Variants in FRMD5 observed in about 807,000 individuals in gnomAD.
FRMD5 encodes the protein FERM domain containing 5, also known as FERM domain-containing protein 5.
In FRMD5, 20 loss-of-function variants were observed where a neutral mutation model predicts 69.0. The ratio of observed to expected loss-of-function variants is 0.29; its 90% CI spans 0.20 to 0.42. The LOEUF (loss-of-function observed/expected upper bound fraction) is 0.42. Among genes scored for constraint, FRMD5 ranks in the 10% least tolerant of loss-of-function variants. The pLI is 1.00. For synonymous variants in FRMD5, 271 were observed against 260.1 expected, an observed-to-expected ratio of 1.04 and a Z score of -0.40; for missense variants, 595 against 708.6, an observed-to-expected ratio of 0.84 and a Z score of 1.82.
chr15:43,998,396 ATC>A (rs1006712586), intron 1 of FRMD5, among the ~76,000 whole-genome samples: 1 of 152,186 alleles, frequency 6.6e-6, no homozygotes, highest in Non-Finnish European at 1.5e-5. Context: ...CTGATGGCAA[ATC>A]TCTGCACAGG....
In FRMD5 at chr15:43,874,282, C is replaced by T; in HGVS notation, c.1316G>A (p.Ser439Asn). 1 of 1,614,228 alleles carries T rather than the reference C, an allele frequency of 6.2e-7. No individual in the cohort carries two copies. Among genetic ancestry groups the T allele is most frequent in the Non-Finnish European group, 8.5e-7 (1 of 1,180,040 alleles). The change falls in exon 14 of 14, where the codon AGC becomes AAC. Residue 439 changes from serine (S) to asparagine (N), a missense_variant. Coordinates refer to ENST00000417257, the MANE Select transcript of FRMD5 (RefSeq NM_032892.5). ...CCGGGAAAGCAACATCAGCTCCAGG[C>T]TGTGCTCAGCCACAGGGGTGGGCAG... ...SVLPTPVAEHSLELMLLSRQI... is the reference protein window; with the variant it reads ...SVLPTPVAEHNLELMLLSRQI...
chr15:44,082,976 A>T (rs919763879), intron 1 of FRMD5, among the ~76,000 whole-genome samples: 1 of 151,974 alleles, frequency 6.6e-6, no homozygotes, highest in South Asian at 2.1e-4. Context: ...AGTGTGATGC[A>T]ATTATGAACC....
intron 1 of FRMD5, among the ~76,000 whole-genome samples, chr15:44,104,456 C>T (rs566781115): frequency 3.1e-4 from 47 of 152,288 alleles, no homozygotes; most frequent in African/African-American, 1.1e-3. Flanking sequence ...CATATTCATT[C>T]ACCACTCACT....
chr15:43,924,355 G>T, intron 1 of FRMD5, 46 bp from the exon 2 acceptor site: 3 of 1,378,476 alleles, frequency 2.2e-6, no homozygotes, highest in Non-Finnish European at 3.0e-6. Context: ...GGTTTCTTCA[G>T]TGTAACTTTT....
chr15:43,905,427 G>A (rs913407660), intron 6 of FRMD5, among the ~76,000 whole-genome samples: 1 of 151,986 alleles, frequency 6.6e-6, no homozygotes, highest in Non-Finnish European at 1.5e-5. Flanking sequence ...GTAAGCCACC[G>A]CGCCTGGCCT....
At chr15:44,167,543 CCTCT>C (rs1279192221) in intron 1 of FRMD5, among the ~76,000 whole-genome samples, 2 of 152,086 alleles carry the variant, frequency 1.3e-5, no homozygotes, top group Admixed American at 6.5e-5. Flanking sequence ...AATCCAAGGA[CCTCT>C]CTCTGAGGCA....
chr15:44,165,304 C>T (rs936184101), intron 1 of FRMD5, among the ~76,000 whole-genome samples: 15 of 151,990 alleles, frequency 9.9e-5, no homozygotes, highest in African/African-American at 3.6e-4. Context: ...CGCCTGTAAT[C>T]CCAGCTACTG....
intron 1 of FRMD5, among the ~76,000 whole-genome samples, chr15:44,139,508 A>G (rs2077235381): frequency 6.6e-6 from 1 of 152,012 alleles, no homozygotes; most frequent in South Asian, 2.1e-4. Flanking sequence ...AGACAGTGAA[A>G]AATATATCAG....
intron 1 of FRMD5, among the ~76,000 whole-genome samples, chr15:44,091,927 G>C (rs1275295534): frequency 6.6e-6 from 1 of 152,118 alleles, no homozygotes; most frequent in Non-Finnish European, 1.5e-5. Context: ...ATTTAGGATA[G>C]AGGTGAGGCC....
intron 1 of FRMD5, among the ~76,000 whole-genome samples, chr15:44,098,084 G>C (rs2076579110): frequency 7.3e-6 from 1 of 136,840 alleles, no homozygotes; most frequent in African/African-American, 2.7e-5. Flanking sequence ...AGAAAGTAAT[G>C]CCATGCTCCC....
upstream of FRMD5, among the ~76,000 whole-genome samples, chr15:44,196,689 AT>A (rs374948519): frequency 4.3e-4 from 52 of 121,002 alleles, no homozygotes; most frequent in African/African-American, 6.1e-4. Flanking sequence ...ATTTTCCCCA[AT>A]TTTTTTTTTT....
At chr15:44,106,689 C>T (rs765706637) in intron 1 of FRMD5, among the ~76,000 whole-genome samples, 5 of 152,176 alleles carry the variant, frequency 3.3e-5, no homozygotes, top group African/African-American at 9.6e-5. Context: ...AAGATCTCTG[C>T]ACTTACTGAC....
At chr15:43,879,082 C>T (rs907879746) in intron 13 of FRMD5, among the ~76,000 whole-genome samples, 12 of 151,806 alleles carry the variant, frequency 7.9e-5, no homozygotes, top group Non-Finnish European at 8.8e-5. Flanking sequence ...GGATTACAGG[C>T]GCCCACCACC....
At chr15:44,174,836 T>C (rs1438100476) in intron 1 of FRMD5, among the ~76,000 whole-genome samples, 1 of 151,988 alleles carries the variant, frequency 6.6e-6, no homozygotes, top group African/African-American at 2.4e-5. Flanking sequence ...TTTTGCCCTT[T>C]AAAAAAATTC....
At position 44,156,068 on chromosome 15, in the gene FRMD5, T is replaced by C. The variant is rs577879958; in HGVS notation, c.102+38885A>G. Among the ~76,000 whole-genome samples the C allele has an allele frequency of 9.9e-5, 15 of 152,266 alleles. 1 individual carries two copies. Among genetic ancestry groups the C allele is most frequent in the African/African-American group, 2.2e-4 (9 of 41,556 alleles). On this transcript the variant is annotated intron_variant, in intron 1 of 13. Coordinates refer to ENST00000417257, the MANE Select transcript of FRMD5 (RefSeq NM_032892.5). ...GGCAAGGTTCAAAGCCTTAAGTGTATTGAAAAAGACTAATATTTAGTCTCA... is the reference window on the plus strand; with the variant it reads ...GGCAAGGTTCAAAGCCTTAAGTGTACTGAAAAAGACTAATATTTAGTCTCA...
chr15:43,884,624 T>A, intron 12 of FRMD5, 103 bp downstream of exon 12: 1 of 990,432 alleles, frequency 1.0e-6, no homozygotes, highest in Non-Finnish European at 1.5e-6. Flanking sequence ...TTTGGACTTT[T>A]TGGTAGCCAC....
chr15:44,084,095 G>C (rs897162398), intron 1 of FRMD5, among the ~76,000 whole-genome samples: 5 of 151,974 alleles, frequency 3.3e-5, no homozygotes, highest in Middle Eastern at 3.4e-3. Flanking sequence ...TTCCAACTCT[G>C]CCACTGACTG....
intron 1 of FRMD5, among the ~76,000 whole-genome samples, chr15:44,110,231 T>A (rs2076778423): frequency 6.6e-6 from 1 of 152,324 alleles, no homozygotes; most frequent in Non-Finnish European, 1.5e-5. Flanking sequence ...TTGCCCAGGC[T>A]GGAGCACAGT....
intron 1 of FRMD5, among the ~76,000 whole-genome samples, chr15:44,033,123 C>T (rs1891757625): frequency 6.6e-6 from 1 of 152,114 alleles, no homozygotes; most frequent in East Asian, 1.9e-4. Flanking sequence ...AAACCAAATA[C>T]CACATGTTCT....
Sources: allele counts gnomAD v4.1 joint callset (sites outside exome capture counted in the v4.1 genomes callset), GRCh38; gene constraint gnomAD v4.1.1; transcripts MANE v1.5; gene names NCBI Gene and HGNC (gene_info 2026-07-23, HGNC 2026-07-21).